RNFT2: variants seen among roughly 807,000 people sequenced by gnomAD.
RNFT2 encodes the protein ring finger protein, transmembrane 2.
A neutral mutation model predicts 53.0 loss-of-function variants in RNFT2; 36 were observed. That is an observed-to-expected ratio of 0.68 (90% CI 0.52 to 0.90). The LOEUF (loss-of-function observed/expected upper bound fraction) is 0.90, where lower values mean the gene tolerates loss of function less well. Ranked by LOEUF, RNFT2 falls within the 40% of genes least tolerant of loss-of-function variation. RNFT2 has a pLI of 0.00. For synonymous variants in RNFT2, 260 were observed against 253.2 expected (o/e 1.03, Z -0.26); for missense variants, 514 against 585.6 (o/e 0.88, Z 1.26).
rs148195032 is a variant in RNFT2 at position 116,797,357 on chromosome 12, C to T, written c.882+18009C>T. On this transcript the variant is annotated intron_variant, in intron 7 of 10. Coordinates refer to ENST00000257575, the MANE Select transcript of RNFT2 (RefSeq NM_001382266.1). Reference sequence around the variant, plus strand: ...GGTGGATCACTTGAGGTCAGAAGTTCAAGACCAGCCTAGCCAACATGGTGA... The same window carrying T: ...GGTGGATCACTTGAGGTCAGAAGTTTAAGACCAGCCTAGCCAACATGGTGA... Among the ~76,000 whole-genome samples the T allele has an allele frequency of 7.8e-3, 1,181 of 152,150 alleles. 11 individuals are homozygous for T. Among genetic ancestry groups the T allele is most frequent in the South Asian group, 0.027 (128 of 4,826 alleles).
chr12:116,766,932 A>AC lies in RNFT2; in HGVS notation c.728+23dup, dbSNP rs1872940638. 6.5e-7 allele frequency: 1 copy of AC among 1,550,300 alleles called. No homozygotes were observed. The highest frequency in any genetic ancestry group is 1.9e-5 in the Admixed American group (1 of 52,178). ...TACAACAGGTGAGCATGGGAATCCA[A>AC]CCCCCACGGTGGGAGAGTGGGGCAC... On this transcript the variant is annotated intron_variant, in intron 6 of 10. Coordinates refer to ENST00000257575, the MANE Select transcript of RNFT2 (RefSeq NM_001382266.1).
intron 10 of RNFT2, among the ~76,000 whole-genome samples, chr12:116,838,768 C>G (rs530766637): frequency 6.6e-6 from 1 of 152,330 alleles, no homozygotes; most frequent in East Asian, 1.9e-4. Flanking sequence ...CTGTTTGTCT[C>G]TCCTCCATTC....
chr12:116,750,158 AC>A lies in RNFT2; in HGVS notation c.403del (p.Arg135GlyfsTer22). 6.3e-7 allele frequency: 1 copy of A among 1,589,638 alleles called. No homozygotes were observed. Reference sequence around the variant, plus strand: ...CTGCTGCAGCACGTGGGTGGGGACCACCGGGGGCACTCGGAGGAGGGAGGCG... The same window carrying A: ...CTGCTGCAGCACGTGGGTGGGGACCACGGGGGCACTCGGAGGAGGGAGGCG... Reference protein sequence around the residue: ...GSLLQHVGGDHRGHSEEGGDE... With the variant: ...GSLLQHVGGDXRGHSEEGGDE... On this transcript the variant is annotated frameshift_variant, in exon 4 of 11. Transcript: ENST00000257575. LOFTEE classifies it high-confidence loss of function.
At chr12:116,780,817 C>T (rs1270151873) in intron 7 of RNFT2, among the ~76,000 whole-genome samples, 3 of 152,060 alleles carry the variant, frequency 2.0e-5, no homozygotes, top group Non-Finnish European at 4.4e-5. Flanking sequence ...GGTTCCAGGT[C>T]GGCACCACGC....
chr12:116,748,289 C>T (rs1029401685), intron 3 of RNFT2, among the ~76,000 whole-genome samples: 1 of 152,192 alleles, frequency 6.6e-6, no homozygotes, highest in Non-Finnish European at 1.5e-5. Flanking sequence ...TCTGGGCTCT[C>T]CATTCCTGCA....
At position 116,836,292 on chromosome 12, in the gene RNFT2, G is replaced by A. The variant is rs1293749014; in HGVS notation, c.1200+10G>A. ...GATTCTCCTGTGCCAGGTGAGCAGG[G>A]CTCAGGCGGGACCATTGGAGACCAA... is the stretch of plus-strand genomic sequence containing the variant. On this transcript the variant is annotated intron_variant, in intron 10 of 10. Transcript: ENST00000257575. 1 of 1,559,050 alleles carries A rather than the reference G, an allele frequency of 6.4e-7. No individual in the cohort carries two copies. Among genetic ancestry groups the A allele is most frequent in the Admixed American group, 1.9e-5 (1 of 52,032 alleles).
intron 7 of RNFT2, among the ~76,000 whole-genome samples, chr12:116,812,381 G>C (rs1439238136): frequency 6.6e-6 from 1 of 152,068 alleles, no homozygotes; most frequent in African/African-American, 2.4e-5. Flanking sequence ...AGGAGAGGAG[G>C]GACAGCTCTG....
intron 7 of RNFT2, among the ~76,000 whole-genome samples, chr12:116,804,269 A>C (rs1031710530): frequency 2.0e-5 from 3 of 152,200 alleles, no homozygotes; most frequent in African/African-American, 4.8e-5. Context: ...GACCAGTAGC[A>C]TGAGCACCTG....
intron 7 of RNFT2, among the ~76,000 whole-genome samples, chr12:116,793,521 T>C (rs1228002866): frequency 6.6e-6 from 1 of 152,082 alleles, no homozygotes; most frequent in Non-Finnish European, 1.5e-5. Context: ...ATGTGTTGCA[T>C]TTGCCTGGCC....
At chr12:116,751,875 T>C (rs1363284753) in intron 4 of RNFT2, among the ~76,000 whole-genome samples, 1 of 151,844 alleles carries the variant, frequency 6.6e-6, no homozygotes, top group African/African-American at 2.4e-5. Context: ...TTCTCAGCCC[T>C]AACCTCAAGT....
At chr12:116,774,115 G>T (rs1349041678) in intron 6 of RNFT2, among the ~76,000 whole-genome samples, 1 of 152,228 alleles carries the variant, frequency 6.6e-6, no homozygotes, top group Non-Finnish European at 1.5e-5. Flanking sequence ...TAGACAGAAA[G>T]AATGGCGGTT....
intron 7 of RNFT2, among the ~76,000 whole-genome samples, chr12:116,832,140 A>ATATATATATATATATATATATATATAT (rs1555209706): frequency 1.5e-5 from 1 of 68,136 alleles, no homozygotes; most frequent in African/African-American, 5.4e-5. Flanking sequence ...CAAAAAAAAA[A>ATATATATATATATATATATATATATAT]AAAAAAAAAT....
chr12:116,823,393 T>C (rs917514827), intron 7 of RNFT2, among the ~76,000 whole-genome samples: 1 of 152,084 alleles, frequency 6.6e-6, no homozygotes, highest in Non-Finnish European at 1.5e-5. Flanking sequence ...TGGTGACATA[T>C]AAAAATCAGG....
chr12:116,777,679 G>C (rs1047558152), intron 6 of RNFT2, among the ~76,000 whole-genome samples: 4 of 152,114 alleles, frequency 2.6e-5, no homozygotes, highest in Admixed American at 6.6e-5. Flanking sequence ...CATAATGTTA[G>C]TGTCATCATC....
chr12:116,819,804 T>A (rs1416054031), intron 7 of RNFT2, among the ~76,000 whole-genome samples: 1 of 152,170 alleles, frequency 6.6e-6, no homozygotes, highest in East Asian at 1.9e-4. Context: ...GCTCAGTGGA[T>A]TTTTACAAAC....
intron 7 of RNFT2, among the ~76,000 whole-genome samples, chr12:116,806,063 G>C (rs1185063603): frequency 6.6e-6 from 1 of 152,134 alleles, no homozygotes; most frequent in East Asian, 1.9e-4. Context: ...TGAAGCTGGC[G>C]CTGATGTTTT....
At chr12:116,833,115 C>T (rs1876768779) in intron 7 of RNFT2, among the ~76,000 whole-genome samples, 1 of 151,928 alleles carries the variant, frequency 6.6e-6, no homozygotes, top group African/African-American at 2.4e-5. Context: ...GTTGGGGGTT[C>T]GCCATGTTGG....
In RNFT2 at chr12:116,832,148, A is replaced by AAATATATATATATATATAT. The variant is rs1555209702; in HGVS notation, c.883-1643_883-1642insATATATATATATATATATA. 2.7e-4 allele frequency among the ~76,000 whole-genome samples: 15 copies of AAATATATATATATATATAT among 55,166 alleles called. 1 individual carries two copies. The highest frequency in any genetic ancestry group is 1.1e-3 in the African/African-American group (15 of 14,276). 36.2% of individuals were successfully genotyped at this position (55,166 alleles called of 152,430 possible). A position where few individuals can be genotyped will look rare whatever the true frequency, so the allele number is the denominator to read the frequency against. On this transcript the variant is annotated intron_variant, in intron 7 of 10. Transcript: ENST00000257575. ...CTTGTCTCAAAAAAAAAAAAAAAAA[A>AAATATATATATATATATAT]ATATATATATATATATATATATCTT...
At chr12:116,766,508 T>A (rs1224487052) in intron 5 of RNFT2, among the ~76,000 whole-genome samples, 1 of 152,196 alleles carries the variant, frequency 6.6e-6, no homozygotes, top group Non-Finnish European at 1.5e-5. Flanking sequence ...GTTGGACAGC[T>A]CCCACACAGG....
Sources: allele counts gnomAD v4.1 joint callset (sites outside exome capture counted in the v4.1 genomes callset), GRCh38; gene constraint gnomAD v4.1.1; transcripts MANE v1.5; gene names NCBI Gene and HGNC (gene_info 2026-07-23, HGNC 2026-07-21).